The following DLGAP2 variants were observed in gnomAD, a reference collection of about 807,000 sequenced individuals.
DLGAP2 encodes the protein disks large-associated protein 2.
Under a neutral mutation model 100.3 loss-of-function variants are expected in DLGAP2, and 26 were observed. The observed-to-expected ratio is 0.26, with a 90% CI of 0.19 to 0.36. The LOEUF is 0.36. DLGAP2 is among the 10% of genes least tolerant of loss of function. DLGAP2 has a pLI of 1.00. For missense variants in DLGAP2, 1,858 were observed against 1,453.2 expected, an observed-to-expected ratio of 1.28 and a Z score of -4.53; for synonymous variants, 886 against 630.1, an observed-to-expected ratio of 1.41 and a Z score of -6.08.
intron 1 of DLGAP2, among the ~76,000 whole-genome samples, chr8:832,184 G>T (rs973633174): frequency 2.0e-5 from 3 of 152,186 alleles, no homozygotes; most frequent in African/African-American, 7.2e-5. Context: ...TCTGTTGGTA[G>T]TTTCTTTTGC....
Position 1,548,692 on chromosome 8 carries a change from G to C in DLGAP2, c.239G>C (p.Ser80Thr). 6.2e-7 allele frequency: 1 copy of C among 1,606,030 alleles called. No individual in the cohort carries two copies. The highest frequency in any genetic ancestry group is 8.5e-7 in the Non-Finnish European group (1 of 1,177,454). Residue 80 changes from serine to threonine, a missense_variant, in exon 5 of 15, where the codon AGC becomes ACC. Transcript: ENST00000637795. ...NEERYSPAPR[S>T]MKGLSGSRTQ... ...GAGCGCTACTCGCCCGCGCCCAGGA[G>C]CATGAAGGGCCTTTCCGGAAGTCGG...
chr8:1,366,757 G>A (rs1440543324), intron 3 of DLGAP2, among the ~76,000 whole-genome samples: 1 of 152,154 alleles, frequency 6.6e-6, no homozygotes, highest in African/African-American at 2.4e-5. Context: ...CCAGGAGGCT[G>A]GACCTTCTGT....
chr8:915,170 C>G (rs913346709), intron 2 of DLGAP2, among the ~76,000 whole-genome samples: 17 of 152,336 alleles, frequency 1.1e-4, no homozygotes, highest in African/African-American at 3.8e-4. Context: ...TTGAAGACGT[C>G]TTCTGCAACT....
At chr8:1,383,361 A>G (rs974954366) in intron 3 of DLGAP2, among the ~76,000 whole-genome samples, 2 of 152,254 alleles carry the variant, frequency 1.3e-5, no homozygotes, top group Non-Finnish European at 2.9e-5. Flanking sequence ...TGCTAAAAAC[A>G]TAAAGGGCAG....
At position 1,237,977 on chromosome 8, in the gene DLGAP2, C is replaced by T. The variant is rs1273282323; in HGVS notation, c.74-20874C>T. Among the ~76,000 whole-genome samples the T allele has an allele frequency of 3.4e-3, 34 of 10,042 alleles. 12 individuals are homozygous for T. The highest frequency in any genetic ancestry group is 2.5e-3 in the Non-Finnish European group (13 of 5,202). The allele number at this position is 10,042 out of a possible 152,430, so 6.6% of individuals were successfully genotyped here. A position where few individuals can be genotyped will look rare whatever the true frequency, so the allele number is the denominator to read the frequency against. ...CATCGTGTCTAGTTCTCTCACATGG[C>T]GCCGTGTCCAGTTCTGTCACATGGC... On this transcript the variant is annotated intron_variant, in intron 2 of 14. Coordinates refer to ENST00000637795, the MANE Select transcript of DLGAP2 (RefSeq NM_001346810.2).
intron 3 of DLGAP2, among the ~76,000 whole-genome samples, chr8:1,374,752 G>C (rs932756981): frequency 6.6e-6 from 1 of 152,108 alleles, no homozygotes; most frequent in Non-Finnish European, 1.5e-5. Flanking sequence ...GAGACTGGAC[G>C]GTGGAAATCC....
intron 12 of DLGAP2, 90 bp from the exon 13 acceptor site, chr8:1,691,445 C>A: frequency 9.0e-7 from 1 of 1,107,114 alleles, no homozygotes; most frequent in Non-Finnish European, 1.3e-6. Flanking sequence ...TCCAGTGGGA[C>A]TCGCTCCCTT....
intron 1 of DLGAP2, among the ~76,000 whole-genome samples, chr8:836,368 T>C (rs1288371882): frequency 1.3e-5 from 2 of 152,180 alleles, no homozygotes; most frequent in Non-Finnish European, 2.9e-5. Context: ...GTCCGTGGGA[T>C]AGCAGGTCTT....
At chr8:930,122 C>A (rs1345219754) in intron 2 of DLGAP2, among the ~76,000 whole-genome samples, 1 of 152,128 alleles carries the variant, frequency 6.6e-6, no homozygotes, top group East Asian at 1.9e-4. Flanking sequence ...TGACTCAGAC[C>A]TGGCGACCCT....
intron 2 of DLGAP2, among the ~76,000 whole-genome samples, chr8:1,228,833 TTAAG>T (rs1798475855): frequency 2.0e-5 from 3 of 152,108 alleles, no homozygotes; most frequent in Admixed American, 2.0e-4. Context: ...TACGTAATGG[TTAAG>T]GACTGAAAAT....
chr8:1,650,395 G>A (rs904920770), intron 8 of DLGAP2, among the ~76,000 whole-genome samples: 2 of 152,178 alleles, frequency 1.3e-5, no homozygotes, highest in Admixed American at 1.3e-4. Context: ...AGTCAAAATT[G>A]CTGTCTCTTC....
At chr8:974,540 C>T (rs1051878049) in intron 2 of DLGAP2, among the ~76,000 whole-genome samples, 1 of 152,158 alleles carries the variant, frequency 6.6e-6, no homozygotes, top group African/African-American at 2.4e-5. Context: ...AGAAGTAACA[C>T]AAAGTCTGCT....
At chr8:1,542,223 G>A (rs375495096) in intron 4 of DLGAP2, among the ~76,000 whole-genome samples, 4 of 152,280 alleles carry the variant, frequency 2.6e-5, no homozygotes, top group African/African-American at 7.2e-5. Context: ...CATCACATGC[G>A]TGTATTTATT....
chr8:1,475,534 G>A (rs188030595), intron 3 of DLGAP2, among the ~76,000 whole-genome samples: 34 of 152,258 alleles, frequency 2.2e-4, no homozygotes, highest in African/African-American at 3.1e-4. Flanking sequence ...AGGCTGTTTC[G>A]TGAGGATCAA....
chr8:872,328 C>CTTTTTTTTTTTTTTTTTTTTTTTTTTTT lies in DLGAP2; in HGVS notation c.19-35580_19-35579insTTTTTTTTTTTTTTTTTTTTTTTTTTTT, dbSNP rs770291812. The stretch of plus-strand genomic sequence containing the variant: ...AACAGAGGAAAGTTTTCTCTCACTT[C>CTTTTTTTTTTTTTTTTTTTTTTTTTTTT]TTTTCTTTTTTTTTTTTTTTTTGAG... On this transcript the variant is annotated intron_variant, in intron 1 of 14. Transcript: ENST00000637795. Among the ~76,000 whole-genome samples, 2 of 129,512 alleles carry CTTTTTTTTTTTTTTTTTTTTTTTTTTTT rather than the reference C, an allele frequency of 1.5e-5. 1 individual carries two copies. The highest frequency in any genetic ancestry group is 5.5e-5 in the African/African-American group (2 of 36,070). 85.0% of individuals were successfully genotyped at this position (129,512 alleles called of 152,430 possible).
rs1336523031 is a variant in DLGAP2 at position 1,501,527 on chromosome 8, C to T, written c.172+96C>T. The T allele has an allele frequency of 1.7e-5, 20 of 1,190,610 alleles. 1 individual carries two copies. The highest frequency in any genetic ancestry group is 9.7e-5 in the South Asian group (7 of 72,006). The allele number at this position is 1,190,610 out of a possible 1,614,324, so 73.8% of individuals were successfully genotyped here. On this transcript the variant is annotated intron_variant, in intron 4 of 14. Coordinates refer to ENST00000637795, the MANE Select transcript of DLGAP2 (RefSeq NM_001346810.2). The stretch of plus-strand genomic sequence containing the variant: ...TCATGCGGACCGTCCCACAAACACA[C>T]GTTAGCATGTTTAGAAAGGGAGCTA...
chr8:823,951 T>C (rs1443928365), intron 1 of DLGAP2, among the ~76,000 whole-genome samples: 2 of 152,200 alleles, frequency 1.3e-5, no homozygotes, highest in African/African-American at 4.8e-5. Context: ...CACTTAGCTT[T>C]ATCCCAAAGG....
chr8:837,170 G>T (rs1244848342), intron 1 of DLGAP2, among the ~76,000 whole-genome samples: 4 of 152,168 alleles, frequency 2.6e-5, no homozygotes, highest in African/African-American at 9.7e-5. Flanking sequence ...CGGGGATCCC[G>T]GGAGCGGATG....
In DLGAP2 at chr8:1,701,569, G is replaced by A. The variant is rs372818726; in HGVS notation, c.*163G>A. ...GCGGGACGCGGCCGGCGGCCTCAGA[G>A]TCCACGGAGCTCGCGGCGAGGACGA... On this transcript the variant is annotated 3_prime_UTR_variant, in exon 15 of 15. Coordinates refer to ENST00000637795, the MANE Select transcript of DLGAP2 (RefSeq NM_001346810.2). The A allele has an allele frequency of 6.8e-6, 5 of 737,936 alleles. No homozygotes were observed. Among genetic ancestry groups the A allele is most frequent in the East Asian group, 5.6e-5 (2 of 35,632 alleles). The allele number at this position is 737,936 out of a possible 1,614,324, so 45.7% of individuals were successfully genotyped here. A position where few individuals can be genotyped will look rare whatever the true frequency, so the allele number is the denominator to read the frequency against.
Sources: gnomAD v4.1 joint callset for allele counts (sites outside exome capture counted in the v4.1 genomes callset) on GRCh38, gnomAD v4.1.1 for gene constraint, MANE v1.5 for transcripts, NCBI Gene and HGNC (gene_info 2026-07-23, HGNC 2026-07-21) for gene names.